MAGI3: variants seen among roughly 807,000 people sequenced by gnomAD.
MAGI3 encodes membrane-associated guanylate kinase, WW and PDZ domain-containing protein 3.
MAGI3 carries 43 observed loss-of-function variants against 121.8 expected under a neutral mutation model. The observed-to-expected ratio is 0.35, with a 90% CI of 0.28 to 0.46. The LOEUF (loss-of-function observed/expected upper bound fraction) is 0.46, where lower values mean the gene tolerates loss of function less well. Ranked by LOEUF, MAGI3 falls within the 20% of genes least tolerant of loss-of-function variation. The pLI is 1.00. For missense variants in MAGI3, 1,547 were observed against 1,797.3 expected (o/e 0.86, Z 2.52); for synonymous variants, 553 against 639.3 (o/e 0.86, Z 2.04).
chr1:113,557,897 A>G (rs1031608480), intron 2 of MAGI3, among the ~76,000 whole-genome samples: 7 of 152,140 alleles, frequency 4.6e-5, no homozygotes, highest in Admixed American at 2.6e-4. Context: ...TTCACTGGCA[A>G]TACCTCCAGG....
intron 2 of MAGI3, among the ~76,000 whole-genome samples, chr1:113,575,364 T>A: frequency 6.6e-6 from 1 of 152,198 alleles, no homozygotes; most frequent in East Asian, 1.9e-4. Context: ...GGCCTTTGGA[T>A]GGGGTTTTTG....
At chr1:113,594,394 G>A (rs80218678) in intron 5 of MAGI3, 87 bp from the exon 6 acceptor site, 3 of 866,004 alleles carry the variant, frequency 3.5e-6, no homozygotes, top group Admixed American at 2.4e-5. Context: ...CAAACATCAT[G>A]TCTTTTAGTC....
chr1:113,487,771 A>G (rs955104368), intron 1 of MAGI3, among the ~76,000 whole-genome samples: 1 of 150,534 alleles, frequency 6.6e-6, no homozygotes, highest in Non-Finnish European at 1.5e-5. Flanking sequence ...CATTTTTTCT[A>G]TATTGTGTGC....
chr1:113,488,956 C>T (rs555881941), intron 1 of MAGI3, among the ~76,000 whole-genome samples: 6 of 152,242 alleles, frequency 3.9e-5, no homozygotes, highest in African/African-American at 1.4e-4. Context: ...GGGCCCCCTG[C>T]GCCCTGCTCC....
rs1301097642 is a variant in MAGI3, at chr1:113,416,282, CATA to C, written c.316+24934_316+24936del. 2.8e-4 allele frequency among the ~76,000 whole-genome samples: 7 copies of C among 24,932 alleles called. 1 individual carries two copies. The highest frequency in any genetic ancestry group is 1.7e-3 in the African/African-American group (7 of 4,160). 16.4% of individuals were successfully genotyped at this position (24,932 alleles called of 152,430 possible). On this transcript the variant is annotated intron_variant, in intron 1 of 20. Coordinates refer to ENST00000307546, the MANE Select transcript of MAGI3 (RefSeq NM_001142782.2). Reference sequence around the variant, plus strand: ...CATATTAATTATGTAATTAATTACACATATTAATTATGTAATTAATTATGTAAT... The same window carrying C: ...CATATTAATTATGTAATTAATTACACTTAATTATGTAATTAATTATGTAAT...
At chr1:113,667,821 A>C (rs1647259555) in intron 16 of MAGI3, among the ~76,000 whole-genome samples, 1 of 152,172 alleles carries the variant, frequency 6.6e-6, no homozygotes, top group African/African-American at 2.4e-5. Context: ...TAGGGTTATT[A>C]ATTGGCATGA....
At chr1:113,524,415 G>T (rs917784102) in intron 1 of MAGI3, among the ~76,000 whole-genome samples, 1 of 152,082 alleles carries the variant, frequency 6.6e-6, no homozygotes, top group African/African-American at 2.4e-5. Flanking sequence ...GAAGGAGGCT[G>T]TACCCTGCAA....
At chr1:113,539,682 G>T (rs1305062932) in intron 1 of MAGI3, among the ~76,000 whole-genome samples, 1 of 151,328 alleles carries the variant, frequency 6.6e-6, no homozygotes, top group African/African-American at 2.4e-5. Context: ...CATATATTCA[G>T]TTATGTTTAA....
intron 1 of MAGI3, among the ~76,000 whole-genome samples, chr1:113,492,085 A>G (rs983680320): frequency 2.0e-5 from 3 of 152,206 alleles, no homozygotes; most frequent in Non-Finnish European, 4.4e-5. Flanking sequence ...CTTTAGGCCA[A>G]TATCCTTGAT....
In MAGI3 at chr1:113,391,434, C is replaced by T; in HGVS notation, c.316+85C>T. ...TCCTGGGAGCGGCGGCACCTCCCCA[C>T]CGCGTATTGTCCCGGGTAATCTTAG... On this transcript the variant is annotated intron_variant, in intron 1 of 20. Transcript: ENST00000307546. The surrounding 1 kb of genome is among the most constrained non-coding windows in gnomAD (Gnocchi z 4.4). 1 of 1,400,110 alleles carries T rather than the reference C, an allele frequency of 7.1e-7. No homozygotes were observed. Among genetic ancestry groups the T allele is most frequent in the Non-Finnish European group, 9.8e-7 (1 of 1,017,270 alleles). 86.7% of individuals were successfully genotyped at this position (1,400,110 alleles called of 1,614,324 possible). A position where few individuals can be genotyped will look rare whatever the true frequency, so the allele number is the denominator to read the frequency against.
At chr1:113,524,567 G>T (rs1470901978) in intron 1 of MAGI3, among the ~76,000 whole-genome samples, 2 of 151,966 alleles carry the variant, frequency 1.3e-5, no homozygotes, top group Non-Finnish European at 2.9e-5. Context: ...CTTGCATGGG[G>T]TCTTTAGCCC....
Position 113,673,361 on chromosome 1 carries a change from C to A in MAGI3, c.3085C>A (p.Arg1029=). Residue 1029 remains arginine, a synonymous_variant, in exon 19 of 21, where the codon CGG becomes AGG. Transcript: ENST00000307546. ...TCCAGTAGAGCTGGAGAGAGGCCCC[C>A]GGGGCTTTGGATTCAGCCTCCGAGG... ...CYPVELERGP[R]GFGFSLRGGK... The A allele has an allele frequency of 2.5e-6, 4 of 1,611,478 alleles. No individual in the cohort carries two copies. Among genetic ancestry groups the A allele is most frequent in the Non-Finnish European group, 3.4e-6 (4 of 1,179,532 alleles).
chr1:113,523,905 T>A (rs1338870024), intron 1 of MAGI3, among the ~76,000 whole-genome samples: 1 of 152,100 alleles, frequency 6.6e-6, no homozygotes, highest in Non-Finnish European at 1.5e-5. Context: ...ATCACAGGCC[T>A]GGAGACCGAG....
intron 17 of MAGI3, among the ~76,000 whole-genome samples, chr1:113,672,080 A>T (rs1557885211): frequency 6.6e-6 from 1 of 152,212 alleles, no homozygotes; most frequent in Non-Finnish European, 1.5e-5. Flanking sequence ...ATCTTGCCTG[A>T]CATGCGAGGA....
chr1:113,524,917 C>T (rs561088148), intron 1 of MAGI3, among the ~76,000 whole-genome samples: 1 of 152,216 alleles, frequency 6.6e-6, no homozygotes, highest in African/African-American at 2.4e-5. Flanking sequence ...GGGAGAGACC[C>T]CAGGGGAGGA....
chr1:113,433,557 T>C (rs1008187659), intron 1 of MAGI3, among the ~76,000 whole-genome samples: 1 of 152,228 alleles, frequency 6.6e-6, no homozygotes, highest in Non-Finnish European at 1.5e-5. Flanking sequence ...TTTAGAATCC[T>C]GTTACATAAG....
intron 9 of MAGI3, among the ~76,000 whole-genome samples, chr1:113,641,695 A>G (rs1487886784): frequency 6.6e-6 from 1 of 151,798 alleles, no homozygotes; most frequent in Admixed American, 6.6e-5. Context: ...ATTCTTTGCT[A>G]CTGAAATAAG....
At chr1:113,551,028 C>T (rs1240088909) in intron 2 of MAGI3, among the ~76,000 whole-genome samples, 2 of 150,608 alleles carry the variant, frequency 1.3e-5, no homozygotes, top group African/African-American at 2.4e-5. Context: ...TCTTTTTTCC[C>T]TCCCTCCGTG....
At chr1:113,401,694 A>G (rs573470454) in intron 1 of MAGI3, among the ~76,000 whole-genome samples, 1 of 152,320 alleles carries the variant, frequency 6.6e-6, no homozygotes, top group Admixed American at 6.5e-5. Context: ...GAGAGCCTAG[A>G]AAATGTTCTG....
Sources: allele counts gnomAD v4.1 joint callset (sites outside exome capture counted in the v4.1 genomes callset), GRCh38; gene constraint gnomAD v4.1.1; non-coding constraint Gnocchi (gnomAD v3.1); transcripts MANE v1.5; gene names NCBI Gene and HGNC (gene_info 2026-07-23, HGNC 2026-07-21).